The following GSTA3 variants were observed in gnomAD, a reference collection of about 807,000 sequenced individuals.
GSTA3 encodes glutathione S-transferase alpha 3.
In GSTA3, 16 loss-of-function variants were observed where a neutral mutation model predicts 23.1. The observed-to-expected ratio is 0.69, with a 90% CI of 0.47 to 1.05. GSTA3 has a LOEUF of 1.05. Ranked by LOEUF, GSTA3 falls within the 50% of genes least tolerant of loss-of-function variation. The pLI, the probability that GSTA3 is intolerant of heterozygous loss-of-function variation, is 0.00. For missense variants in GSTA3, 319 were observed against 263.6 expected (o/e 1.21, Z -1.46); for synonymous variants, 122 against 91.0 (o/e 1.34, Z -1.94).
intron 1 of GSTA3, among the ~76,000 whole-genome samples, chr6:52,907,874 GGAT>G (rs1765945853): frequency 6.6e-6 from 1 of 151,532 alleles, no homozygotes; most frequent in South Asian, 2.1e-4. Flanking sequence ...ACCTAGTGCT[GGAT>G]GATGAGTTGG....
Position 52,896,934 on chromosome 6 carries a change from A to T in GSTA3, c.547-6T>A. Reference sequence around the variant, plus strand: ...CTGATTCTGGTTTTCAGGGCCTGTAATTCACAAAGCACAGCCTCAGAGTGA... The same window carrying T: ...CTGATTCTGGTTTTCAGGGCCTGTATTTCACAAAGCACAGCCTCAGAGTGA... On this transcript the variant is annotated splice_region_variant and splice_polypyrimidine_tract_variant and intron_variant, in intron 6 of 6. Transcript: ENST00000211122. 6 of 1,613,800 alleles carry T rather than the reference A, an allele frequency of 3.7e-6. No individual in the cohort carries two copies. The highest frequency in any genetic ancestry group is 5.1e-6 in the Non-Finnish European group (6 of 1,179,834).
intron 1 of GSTA3, among the ~76,000 whole-genome samples, chr6:52,907,836 A>AGG (rs70977392): frequency 1.6e-5 from 1 of 64,372 alleles, no homozygotes; most frequent in Non-Finnish European, 2.7e-5. Context: ...GGGTGGGGGG[A>AGG]GGGGGGAGGG....
chr6:52,898,911 C>T (rs1765566880), intron 5 of GSTA3, among the ~76,000 whole-genome samples: 1 of 152,140 alleles, frequency 6.6e-6, no homozygotes, highest in South Asian at 2.1e-4. Context: ...GGTTAGACTG[C>T]ACTGGCTAAA....
Position 52,900,032 on chromosome 6 carries a change from T to A in GSTA3, c.316A>T (p.Ile106Phe). The change falls in exon 5 of 7, where the codon ATC becomes TTC. Residue 106 changes from isoleucine (I) to phenylalanine (F), a missense_variant. Transcript: ENST00000211122. The stretch of plus-strand genomic sequence containing the variant: ...GGTCGACATAAGGGCAGAAGAAGGA[T>A]CATTTCATTCAAATCTGCCATACCT... ...TEGMADLNEMILLLPLCRPEE... is the reference protein window; with the variant it reads ...TEGMADLNEMFLLLPLCRPEE... 1 of 1,613,002 alleles carries A rather than the reference T, an allele frequency of 6.2e-7. No homozygotes were observed. The highest frequency in any genetic ancestry group is 8.5e-7 in the Non-Finnish European group (1 of 1,179,044).
chr6:52,899,949 G>A lies in GSTA3; in HGVS notation c.399C>T (p.Phe133=), dbSNP rs1448460491. ...CTTCACCTACTTTTTCGAAGGCAGG[G>A]AAATAGCGACTTTTTGTTTTCTCTT... ...LIKEKTKSRY[F]PAFEKVLQSH... The change falls in exon 5 of 7, where the codon TTC becomes TTT. Residue 133 remains phenylalanine, a synonymous_variant. Transcript: ENST00000211122. 1.9e-6 allele frequency: 3 copies of A among 1,613,892 alleles called. No homozygotes were observed. The highest frequency in any genetic ancestry group is 2.7e-5 in the African/African-American group (2 of 74,906).
In GSTA3 at chr6:52,905,809, T is replaced by C. The variant is rs1394019788; in HGVS notation, c.26A>G (p.Tyr9Cys). Residue 9 changes from tyrosine (Y) to cysteine (C), a missense_variant, in exon 2 of 7, where the codon TAC becomes TGC. Coordinates refer to ENST00000211122, the MANE Select transcript of GSTA3 (RefSeq NM_000847.5). MAGKPKLH[Y>C]FNGRGRMEPI... ...CTCCATTCTGCCCCGTCCATTGAAG[T>C]AGTGAAGCTTGGGCTTCCCTGCCAT... 2 of 1,609,230 alleles carry C rather than the reference T, an allele frequency of 1.2e-6. No homozygotes were observed. The highest frequency in any genetic ancestry group is 8.5e-7 in the Non-Finnish European group (1 of 1,176,792).
chr6:52,902,623 AT>A, intron 3 of GSTA3, 145 bp from the exon 4 acceptor site: 1 of 783,770 alleles, frequency 1.3e-6, no homozygotes, highest in Non-Finnish European at 2.0e-6. Context: ...TAGTATTTTG[AT>A]TTTAGCTGCC....
Position 52,905,745 on chromosome 6 carries a change from T to C in GSTA3, c.87+3A>G, listed in dbSNP as rs372047224. The C allele has an allele frequency of 8.3e-6, 13 of 1,559,114 alleles. No homozygotes were observed. Among genetic ancestry groups the C allele is most frequent in the African/African-American group, 5.5e-5 (4 of 73,352 alleles). On this transcript the variant is annotated splice_donor_region_variant and intron_variant, in intron 2 of 6. Transcript: ENST00000211122. ...ACTTAAGATGACCTAACTTAGAACA[T>C]ACCTCCACTCCAGCTGCAGCCAAGA... is the stretch of plus-strand genomic sequence containing the variant.
intron 2 of GSTA3, among the ~76,000 whole-genome samples, chr6:52,905,138 A>C (rs2127362673): frequency 6.6e-6 from 1 of 152,240 alleles, no homozygotes; most frequent in South Asian, 2.1e-4. Context: ...TTATTGTATA[A>C]ATTTCTCATA....
At chr6:52,904,900 T>G (rs912939678) in intron 2 of GSTA3, among the ~76,000 whole-genome samples, 5 of 152,140 alleles carry the variant, frequency 3.3e-5, no homozygotes, top group Non-Finnish European at 4.4e-5. Flanking sequence ...CTTATCTGAG[T>G]CCTTGTAGAC....
At chr6:52,901,543 T>A (rs2127358342) in intron 4 of GSTA3, among the ~76,000 whole-genome samples, 1 of 152,376 alleles carries the variant, frequency 6.6e-6, no homozygotes, top group Non-Finnish European at 1.5e-5. Flanking sequence ...ATATTTGGGT[T>A]ATTTCTACGT....
rs1765457792 is a variant in GSTA3, at chr6:52,896,845, T to G, written c.630A>C (p.Ala210=). 2 of 1,614,018 alleles carry G rather than the reference T, an allele frequency of 1.2e-6. No homozygotes were observed. Among genetic ancestry groups the G allele is most frequent in the Non-Finnish European group, 8.5e-7 (1 of 1,179,968 alleles). The change falls in exon 7 of 7, where the codon GCA becomes GCC. Residue 210 remains alanine, a synonymous_variant. Coordinates refer to ENST00000211122, the MANE Select transcript of GSTA3 (RefSeq NM_000847.5). ...PGSPRKPPAD[A]KALEEARKIF... ...TCTTTCTGGCTTCTTCTAAAGCTTT[T>G]GCATCTGCGGGAGGCTTCCTTGGGC...
chr6:52,903,801 CTCCATCTGG>C (rs1268645965), intron 2 of GSTA3, 74 bp from the exon 3 acceptor site: 1 of 824,056 alleles, frequency 1.2e-6, no homozygotes, highest in African/African-American at 1.7e-5. Context: ...CTTGAATGGC[CTCCATCTGG>C]TACATAATTT....
intron 2 of GSTA3, among the ~76,000 whole-genome samples, chr6:52,904,176 G>T (rs1765808922): frequency 6.6e-6 from 1 of 151,886 alleles, no homozygotes; most frequent in South Asian, 2.1e-4. Flanking sequence ...ATTTTGTAGT[G>T]CTGGGGTCTC....
At position 52,896,682 on chromosome 6, in the gene GSTA3, CA is replaced by C; in HGVS notation, c.*123del. On this transcript the variant is annotated 3_prime_UTR_variant, in exon 7 of 7. Coordinates refer to ENST00000211122, the MANE Select transcript of GSTA3 (RefSeq NM_000847.5). ...ATAGGAGTTTTTATTATTTAATTAG[CA>C]TATAATTGGAAAGGGTTCATTAGCT... 1 of 1,082,024 alleles carries C rather than the reference CA, an allele frequency of 9.2e-7. No individual in the cohort carries two copies. Among genetic ancestry groups the C allele is most frequent in the Non-Finnish European group, 1.3e-6 (1 of 754,310 alleles). 67.0% of individuals were successfully genotyped at this position (1,082,024 alleles called of 1,614,324 possible).
At chr6:52,906,353 A>G (rs1765889681) in intron 1 of GSTA3, among the ~76,000 whole-genome samples, 1 of 152,186 alleles carries the variant, frequency 6.6e-6, no homozygotes, top group African/African-American at 2.4e-5. Flanking sequence ...AGGTCTTCTG[A>G]CATTCAGACT....
chr6:52,897,199 C>G (rs530837670), intron 6 of GSTA3, among the ~76,000 whole-genome samples: 1 of 152,334 alleles, frequency 6.6e-6, no homozygotes, highest in East Asian at 1.9e-4. Flanking sequence ...ATTAGTGACT[C>G]TTGTATAAGA....
intron 5 of GSTA3, among the ~76,000 whole-genome samples, chr6:52,899,249 A>G (rs866283679): frequency 2.6e-5 from 4 of 152,178 alleles, no homozygotes; most frequent in African/African-American, 9.7e-5. Flanking sequence ...AAGGCAAAAA[A>G]TTGAATATAC....
intron 4 of GSTA3, among the ~76,000 whole-genome samples, chr6:52,900,755 G>A (rs967296134): frequency 2.0e-5 from 3 of 152,176 alleles, no homozygotes; most frequent in Admixed American, 6.5e-5. Context: ...GGTTTGTTCT[G>A]TGCATAAACT....
Sources: gnomAD v4.1 joint callset for allele counts (sites outside exome capture counted in the v4.1 genomes callset) on GRCh38, gnomAD v4.1.1 for gene constraint, MANE v1.5 for transcripts, NCBI Gene and HGNC (gene_info 2026-07-23, HGNC 2026-07-21) for gene names.